The following GALNTL6 variants were observed in gnomAD, a reference collection of about 807,000 sequenced individuals.
GALNTL6 encodes the protein polypeptide N-acetylgalactosaminyltransferase like 6.
GALNTL6 carries 46 observed loss-of-function variants against 73.7 expected under a neutral mutation model. The observed-to-expected ratio is 0.62, with a 90% CI of 0.49 to 0.80. GALNTL6 has a LOEUF of 0.80. Ranked by LOEUF, GALNTL6 falls within the 30% of genes least tolerant of loss-of-function variation. The pLI is 0.00. For missense variants in GALNTL6, 604 were observed against 755.0 expected (o/e 0.80, Z 2.34); for synonymous variants, 259 against 263.7 (o/e 0.98, Z 0.17).
At chr4:172,237,942 C>G (rs944238899) in intron 3 of GALNTL6, among the ~76,000 whole-genome samples, 4 of 152,046 alleles carry the variant, frequency 2.6e-5, no homozygotes, top group Non-Finnish European at 5.9e-5. Context: ...TTCCATTGGT[C>G]TATGTGTCTA....
chr4:172,018,102 G>A (rs765101959), intron 2 of GALNTL6, among the ~76,000 whole-genome samples: 7 of 152,118 alleles, frequency 4.6e-5, no homozygotes, highest in Non-Finnish European at 7.4e-5. Context: ...TGGGAGCAGA[G>A]TTATTCTGTC....
intron 2 of GALNTL6, among the ~76,000 whole-genome samples, chr4:172,220,540 A>C (rs547144175): frequency 9.0e-4 from 136 of 151,922 alleles, no homozygotes; most frequent in Middle Eastern, 3.4e-3. Flanking sequence ...CATCCATTTT[A>C]CATGTTAGGT....
At chr4:172,135,796 T>C (rs1733623082) in intron 2 of GALNTL6, among the ~76,000 whole-genome samples, 1 of 152,144 alleles carries the variant, frequency 6.6e-6, no homozygotes, top group South Asian at 2.1e-4. Flanking sequence ...TTTAATGATA[T>C]TTGTTAATGA....
chr4:172,745,443 ATG>A lies in GALNTL6; in HGVS notation c.554-63916_554-63915del, dbSNP rs1560922678. On this transcript the variant is annotated intron_variant, in intron 5 of 12. Coordinates refer to ENST00000506823, the MANE Select transcript of GALNTL6 (RefSeq NM_001034845.3). ...ATCTTTTCAAAACATATATATATAT[ATG>A]TACACATAACTTTTATAATTAGAAA... 1.8e-3 allele frequency among the ~76,000 whole-genome samples: 248 copies of A among 140,552 alleles called. 5 individuals are homozygous for A. The highest frequency in any genetic ancestry group is 6.8e-3 in the African/African-American group (239 of 35,206). 92.2% of individuals were successfully genotyped at this position (140,552 alleles called of 152,430 possible).
chr4:172,813,736 C>G lies in GALNTL6; in HGVS notation c.923+13C>G, dbSNP rs768816993. The G allele has an allele frequency of 5.1e-6, 8 of 1,583,452 alleles. No individual in the cohort carries two copies. Among genetic ancestry groups the G allele is most frequent in the Non-Finnish European group, 8.6e-7 (1 of 1,156,760 alleles). On this transcript the variant is annotated intron_variant, in intron 7 of 12. Transcript: ENST00000506823. Reference sequence around the variant, plus strand: ...GCGACCCTTTTGAGTGAGTAGCAGCCAAGGGAGGGGCCGAGGGGGTGAGGG... The same window carrying G: ...GCGACCCTTTTGAGTGAGTAGCAGCGAAGGGAGGGGCCGAGGGGGTGAGGG...
rs1198879624 is a variant in GALNTL6 at position 172,753,362 on chromosome 4, GAACAGACTAA to G, written c.554-55994_554-55985del. On this transcript the variant is annotated intron_variant, in intron 5 of 12. Coordinates refer to ENST00000506823, the MANE Select transcript of GALNTL6 (RefSeq NM_001034845.3). Reference sequence around the variant, plus strand: ...AGGTAAGTCTTTATTAGCAGCATGAGAACAGACTAAAACATGAATAGAGTACATTTAATCA... The same window carrying G: ...AGGTAAGTCTTTATTAGCAGCATGAGAACATGAATAGAGTACATTTAATCA... Among the ~76,000 whole-genome samples, 3 of 152,224 alleles carry G rather than the reference GAACAGACTAA, an allele frequency of 2.0e-5. No homozygotes were observed. The East Asian group carries it at 5.8e-4, about 29-fold the overall frequency.
chr4:171,913,758 A>T (rs970338429), intron 2 of GALNTL6, among the ~76,000 whole-genome samples: 2 of 152,128 alleles, frequency 1.3e-5, no homozygotes, highest in African/African-American at 4.8e-5. Context: ...GGTAATGAAA[A>T]CTTTACATTT....
intron 2 of GALNTL6, among the ~76,000 whole-genome samples, chr4:172,113,206 C>T (rs1057374406): frequency 5.3e-5 from 8 of 151,972 alleles, no homozygotes; most frequent in Non-Finnish European, 1.0e-4. Flanking sequence ...TTTCACTAGC[C>T]TCACATTCTG....
intron 2 of GALNTL6, among the ~76,000 whole-genome samples, chr4:172,127,886 T>A (rs1733347380): frequency 6.6e-6 from 1 of 152,080 alleles, no homozygotes; most frequent in Admixed American, 6.6e-5. Flanking sequence ...GTGGATAGCC[T>A]GAGGTCAGGG....
intron 10 of GALNTL6, among the ~76,000 whole-genome samples, chr4:172,975,287 A>C (rs1750756198): frequency 6.6e-6 from 1 of 152,220 alleles, no homozygotes; most frequent in African/African-American, 2.4e-5. Flanking sequence ...TGCAGCATTT[A>C]GTGGAGAGGA....
rs1178748722 is a variant in GALNTL6 at position 172,621,446 on chromosome 4, T to A, written c.554-187915T>A. Among the ~76,000 whole-genome samples the A allele has an allele frequency of 9.2e-5, 14 of 152,222 alleles. 1 individual carries two copies. In the East Asian group the frequency reaches 2.1e-3, roughly 23 times the overall value. On this transcript the variant is annotated intron_variant, in intron 5 of 12. Coordinates refer to ENST00000506823, the MANE Select transcript of GALNTL6 (RefSeq NM_001034845.3). ...GTTAGTTCTTGTCTTTCACAATTGC[T>A]AGTTGGGGAATTACTTTCCAGGGTC...
At chr4:172,176,025 G>A (rs1361067885) in intron 2 of GALNTL6, among the ~76,000 whole-genome samples, 2 of 152,190 alleles carry the variant, frequency 1.3e-5, no homozygotes, top group South Asian at 2.1e-4. Context: ...AGAGTGCACA[G>A]CCTACTCCAA....
In GALNTL6 at chr4:172,052,418, G is replaced by A. The variant is rs1730901883; in HGVS notation, c.139-177238G>A. 6 of 1,521,998 alleles carry A rather than the reference G, an allele frequency of 3.9e-6. No homozygotes were observed. The East Asian group carries it at 9.8e-5, about 25-fold the overall frequency. The allele number at this position is 1,521,998 out of a possible 1,614,324, so 94.3% of individuals were successfully genotyped here. ...AGTAACCACAAGCTCCAGATGGGCTGTTTACCCCAACCCATTCACCAGCCA... is the reference window on the plus strand; with the variant it reads ...AGTAACCACAAGCTCCAGATGGGCTATTTACCCCAACCCATTCACCAGCCA... On this transcript the variant is annotated intron_variant, in intron 2 of 12. Transcript: ENST00000506823.
At chr4:172,108,367 A>G (rs925372014) in intron 2 of GALNTL6, among the ~76,000 whole-genome samples, 4 of 152,222 alleles carry the variant, frequency 2.6e-5, no homozygotes, top group African/African-American at 9.6e-5. Context: ...TCACATGATT[A>G]TGGAGGCTGA....
At chr4:172,457,904 A>G (rs77306041) in intron 5 of GALNTL6, among the ~76,000 whole-genome samples, 1 of 152,204 alleles carries the variant, frequency 6.6e-6, no homozygotes, top group African/African-American at 2.4e-5. Context: ...TCAACAGAAT[A>G]TACATTCTTC....
chr4:171,944,262 A>G (rs1738637439), intron 2 of GALNTL6, among the ~76,000 whole-genome samples: 1 of 152,074 alleles, frequency 6.6e-6, no homozygotes, highest in African/African-American at 2.4e-5. Flanking sequence ...TCTATATTTT[A>G]GGGAAAACAT....
intron 6 of GALNTL6, among the ~76,000 whole-genome samples, chr4:172,812,894 G>A (rs529723856): frequency 1.7e-4 from 26 of 152,248 alleles, no homozygotes; most frequent in African/African-American, 5.8e-4. Flanking sequence ...AGAAGTAATC[G>A]CAGTAGTATA....
intron 2 of GALNTL6, among the ~76,000 whole-genome samples, chr4:172,157,695 C>T (rs1278921689): frequency 6.6e-6 from 1 of 152,050 alleles, no homozygotes; most frequent in East Asian, 1.9e-4. Context: ...TTACTAGGAA[C>T]GATATTTTAA....
chr4:173,039,068 G>C (rs1937668745), intron 12 of GALNTL6, among the ~76,000 whole-genome samples: 1 of 152,202 alleles, frequency 6.6e-6, no homozygotes, highest in South Asian at 2.1e-4. Flanking sequence ...AATTAAAAGA[G>C]GGTGTGTGTT....
Sources: gnomAD v4.1 joint callset for allele counts (sites outside exome capture counted in the v4.1 genomes callset) on GRCh38, gnomAD v4.1.1 for gene constraint, MANE v1.5 for transcripts, NCBI Gene and HGNC (gene_info 2026-07-23, HGNC 2026-07-21) for gene names.